The following OPCML variants were observed in gnomAD, a reference collection of about 807,000 sequenced individuals.
OPCML encodes opioid binding protein/cell adhesion molecule like.
Under a neutral mutation model 37.8 loss-of-function variants are expected in OPCML, and 13 were observed. The ratio of observed to expected loss-of-function variants is 0.34; its 90% confidence interval spans 0.22 to 0.55. OPCML has a LOEUF of 0.55. Among genes scored for constraint, OPCML ranks in the 20% least tolerant of loss-of-function variants. OPCML has a pLI of 0.91. For missense variants in OPCML, 341 were observed against 435.6 expected (o/e 0.78, Z 1.93); for synonymous variants, 176 against 168.8 (o/e 1.04, Z -0.33).
intron 4 of OPCML, among the ~76,000 whole-genome samples, chr11:132,482,870 C>T (rs543064153): frequency 1.3e-5 from 2 of 150,800 alleles, no homozygotes; most frequent in East Asian, 1.9e-4. Flanking sequence ...AATTCAACAA[C>T]CTTTCATGCT....
rs139699570 is a variant in OPCML at position 132,560,328 on chromosome 11, C to A, written c.380-31142G>T. Among the ~76,000 whole-genome samples the A allele has an allele frequency of 4.3e-4, 65 of 152,314 alleles. No individual in the cohort carries two copies. The East Asian group carries it at 0.012, about 28-fold the overall frequency. ...TCAAAATCTAATAGTTTTCCACACA[C>A]CCCAGTATCTAATTACTTATTTTTA... On this transcript the variant is annotated intron_variant, in intron 3 of 7. Transcript: ENST00000524381.
chr11:133,510,310 T>G (rs1000641899), intron 1 of OPCML, among the ~76,000 whole-genome samples: 1 of 152,196 alleles, frequency 6.6e-6, no homozygotes, highest in African/African-American at 2.4e-5. Context: ...GAAGAGGGTA[T>G]AGGGGAAAGT....
At chr11:132,677,502 A>G (rs1942760301) in intron 2 of OPCML, among the ~76,000 whole-genome samples, 1 of 152,188 alleles carries the variant, frequency 6.6e-6, no homozygotes, top group Non-Finnish European at 1.5e-5. Flanking sequence ...CCTGGCTTCA[A>G]GAATTACTAT....
At chr11:132,915,870 G>T (rs1944586563) in intron 2 of OPCML, among the ~76,000 whole-genome samples, 1 of 151,978 alleles carries the variant, frequency 6.6e-6, no homozygotes, top group Non-Finnish European at 1.5e-5. Flanking sequence ...AGATATTAAT[G>T]CTATAAATAT....
At chr11:132,440,086 A>G (rs1052071346) in intron 4 of OPCML, among the ~76,000 whole-genome samples, 1 of 152,214 alleles carries the variant, frequency 6.6e-6, no homozygotes, top group African/African-American at 2.4e-5. Context: ...CAGGTCCTGC[A>G]TCCTTCCAGT....
At chr11:133,319,264 T>A (rs1327859992) in intron 1 of OPCML, among the ~76,000 whole-genome samples, 1 of 152,318 alleles carries the variant, frequency 6.6e-6, no homozygotes, top group African/African-American at 2.4e-5. Flanking sequence ...CCCAGTCAAG[T>A]TGTGCACCCA....
At chr11:132,574,884 G>T (rs7945022) in intron 3 of OPCML, among the ~76,000 whole-genome samples, 1 of 151,798 alleles carries the variant, frequency 6.6e-6, no homozygotes, top group Non-Finnish European at 1.5e-5. Context: ...TTGTACTGTT[G>T]TCTGTTTCTC....
In OPCML at chr11:133,532,259, G is replaced by A. The variant is rs770662713; in HGVS notation, c.61+5C>T. On this transcript the variant is annotated splice_donor_5th_base_variant and intron_variant, in intron 1 of 7. Coordinates refer to ENST00000524381, the MANE Select transcript of OPCML (RefSeq NM_001012393.5). ...GAGAGAAAACACCCTTCCCCTGTAC[G>A]GTACCTGGGATGAAGAGCAGGGCAG... 3 of 1,613,764 alleles carry A rather than the reference G, an allele frequency of 1.9e-6. No homozygotes were observed. The highest frequency in any genetic ancestry group is 1.7e-5 in the Admixed American group (1 of 60,010).
intron 1 of OPCML, among the ~76,000 whole-genome samples, chr11:132,965,119 G>A (rs1033280938): frequency 6.6e-6 from 1 of 152,160 alleles, no homozygotes; most frequent in Non-Finnish European, 1.5e-5. Context: ...TAGATAAGCA[G>A]AGTTCAGATC....
intron 1 of OPCML, among the ~76,000 whole-genome samples, chr11:133,463,703 G>T (rs146536104): frequency 1.3e-5 from 2 of 152,152 alleles, no homozygotes; most frequent in South Asian, 4.2e-4. Flanking sequence ...CCTGGAATGC[G>T]CCCAACTGGG....
At chr11:132,535,880 G>A (rs1432211966) in intron 3 of OPCML, among the ~76,000 whole-genome samples, 2 of 152,288 alleles carry the variant, frequency 1.3e-5, no homozygotes, top group Non-Finnish European at 2.9e-5. Context: ...TTGGCCAAAA[G>A]TAGGTGCTTA....
At chr11:133,014,483 C>G (rs1947281741) in intron 1 of OPCML, among the ~76,000 whole-genome samples, 1 of 152,156 alleles carries the variant, frequency 6.6e-6, no homozygotes, top group Admixed American at 6.5e-5. Flanking sequence ...GCTCCTTCCC[C>G]ATGAAGGAAG....
intron 7 of OPCML, among the ~76,000 whole-genome samples, chr11:132,428,887 G>A (rs529447503): frequency 2.0e-5 from 3 of 152,274 alleles, no homozygotes; most frequent in South Asian, 2.1e-4. Context: ...CTCAAGCATG[G>A]CACTTCCTAT....
At chr11:133,331,452 A>G (rs1943617866) in intron 1 of OPCML, among the ~76,000 whole-genome samples, 1 of 152,046 alleles carries the variant, frequency 6.6e-6, no homozygotes, top group Non-Finnish European at 1.5e-5. Flanking sequence ...TACAGCCTTT[A>G]CTTCTAACTG....
intron 1 of OPCML, among the ~76,000 whole-genome samples, chr11:133,473,930 A>G (rs1277850450): frequency 1.3e-5 from 2 of 152,234 alleles, no homozygotes; most frequent in African/African-American, 4.8e-5. Context: ...ACACTTTAAT[A>G]AAGACATATT....
intron 2 of OPCML, among the ~76,000 whole-genome samples, chr11:132,876,601 G>A (rs753561428): frequency 3.9e-5 from 6 of 152,126 alleles, no homozygotes; most frequent in African/African-American, 1.4e-4. Context: ...ACGCCAACAA[G>A]GAGTGTGATT....
chr11:133,312,389 C>T (rs988041750), intron 1 of OPCML, among the ~76,000 whole-genome samples: 1 of 152,190 alleles, frequency 6.6e-6, no homozygotes, highest in Non-Finnish European at 1.5e-5. Flanking sequence ...TCTGATCTTG[C>T]TCCTCTCCTT....
intron 3 of OPCML, among the ~76,000 whole-genome samples, chr11:132,607,956 C>A (rs1186626916): frequency 6.6e-6 from 1 of 152,054 alleles, no homozygotes; most frequent in Non-Finnish European, 1.5e-5. Flanking sequence ...AGTAGGGTGA[C>A]TGTAGTATAC....
intron 4 of OPCML, among the ~76,000 whole-genome samples, chr11:132,440,748 T>G (rs1322628273): frequency 1.3e-5 from 2 of 152,234 alleles, no homozygotes; most frequent in Non-Finnish European, 2.9e-5. Flanking sequence ...TTGTTGAAAC[T>G]TCTCTCCATC....
Sources: allele counts gnomAD v4.1 joint callset (sites outside exome capture counted in the v4.1 genomes callset), GRCh38; gene constraint gnomAD v4.1.1; transcripts MANE v1.5; gene names NCBI Gene and HGNC (gene_info 2026-07-23, HGNC 2026-07-21).